PIK3R1: variants seen among roughly 807,000 people sequenced by gnomAD.
The protein encoded by PIK3R1 is phosphatidylinositol 3-kinase regulatory subunit alpha.
PIK3R1 carries 29 observed loss-of-function variants against 98.0 expected under a neutral mutation model. That is an observed-to-expected ratio of 0.30 (90% confidence interval 0.22 to 0.40). PIK3R1 has a LOEUF of 0.40. Among genes scored for constraint, PIK3R1 ranks in the 10% least tolerant of loss-of-function variants. The pLI is 1.00. For missense variants in PIK3R1, 596 were observed against 872.7 expected, an observed-to-expected ratio of 0.68 and a Z score of 3.99; for synonymous variants, 282 against 311.8, an observed-to-expected ratio of 0.90 and a Z score of 1.01.
intron 2 of PIK3R1, among the ~76,000 whole-genome samples, chr5:68,238,975 CAAA>C (rs10532256): frequency 3.0e-4 from 37 of 125,080 alleles, no homozygotes; most frequent in South Asian, 7.9e-4. Flanking sequence ...CAATAAATGC[CAAA>C]AAAAAAAAAA....
chr5:68,269,276 T>C (rs1746250679), intron 2 of PIK3R1, among the ~76,000 whole-genome samples: 2 of 152,240 alleles, frequency 1.3e-5, no homozygotes, highest in Admixed American at 1.3e-4. Flanking sequence ...GCCCAGATTC[T>C]TAAGAGTGGA....
At chr5:68,284,608 C>G (rs1747004568) in intron 7 of PIK3R1, among the ~76,000 whole-genome samples, 1 of 152,192 alleles carries the variant, frequency 6.6e-6, no homozygotes, top group South Asian at 2.1e-4. Context: ...TTAAGTCGAC[C>G]CATTCAGTAT....
intron 2 of PIK3R1, among the ~76,000 whole-genome samples, chr5:68,263,222 T>TA (rs1745977768): frequency 7.2e-6 from 1 of 138,646 alleles, no homozygotes; most frequent in Admixed American, 7.1e-5. Context: ...TATTTCTACA[T>TA]ATATATCTAT....
At chr5:68,254,355 A>C (rs1278434800) in intron 2 of PIK3R1, among the ~76,000 whole-genome samples, 1 of 152,346 alleles carries the variant, frequency 6.6e-6, no homozygotes. Context: ...AGAGTTTCGA[A>C]TCATGGGATT....
intron 2 of PIK3R1, among the ~76,000 whole-genome samples, chr5:68,253,387 C>G (rs758524917): frequency 5.3e-5 from 8 of 152,074 alleles, no homozygotes; most frequent in Non-Finnish European, 1.2e-4. Context: ...AAGGTTCCAG[C>G]CTTTTAAAAC....
At chr5:68,277,992 G>A (rs186475612) in intron 4 of PIK3R1, among the ~76,000 whole-genome samples, 52 of 152,088 alleles carry the variant, frequency 3.4e-4, no homozygotes, top group African/African-American at 1.2e-3. Flanking sequence ...GTTATCCTTC[G>A]CATTGCTAGT....
At chr5:68,246,313 A>ATTT (rs11351105) in intron 2 of PIK3R1, among the ~76,000 whole-genome samples, 16 of 127,304 alleles carry the variant, frequency 1.3e-4, no homozygotes, top group African/African-American at 4.5e-4. Context: ...TGGTGTGTAT[A>ATTT]TTTTTTTTTT....
intron 1 of PIK3R1, among the ~76,000 whole-genome samples, chr5:68,224,008 A>G (rs1311652425): frequency 6.6e-6 from 1 of 152,094 alleles, no homozygotes; most frequent in African/African-American, 2.4e-5. Context: ...AGTGTTAGGA[A>G]GCAGCTGGCA....
rs1241922793 is a variant in PIK3R1, at chr5:68,262,972, T to G, written c.335-10418T>G. ...ATACATGTAGATACATGTATACATATATACATGTAGATACATGTAGATACA... is the reference window on the plus strand; with the variant it reads ...ATACATGTAGATACATGTATACATAGATACATGTAGATACATGTAGATACA... On this transcript the variant is annotated intron_variant, in intron 2 of 15. Coordinates refer to ENST00000521381, the MANE Select transcript of PIK3R1 (RefSeq NM_181523.3). 5.7e-4 allele frequency among the ~76,000 whole-genome samples: 15 copies of G among 26,134 alleles called. 1 individual carries two copies. Among genetic ancestry groups the G allele is most frequent in the Admixed American group, 1.5e-3 (5 of 3,336 alleles). The allele number at this position is 26,134 out of a possible 152,430, so 17.1% of individuals were successfully genotyped here.
intron 2 of PIK3R1, among the ~76,000 whole-genome samples, chr5:68,249,483 G>A (rs1344400991): frequency 2.0e-5 from 3 of 152,158 alleles, no homozygotes; most frequent in African/African-American, 7.2e-5. Flanking sequence ...GCACTAAGTG[G>A]TCCTATCACA....
intron 2 of PIK3R1, among the ~76,000 whole-genome samples, chr5:68,230,845 A>T (rs372305942): frequency 2.0e-5 from 3 of 152,156 alleles, no homozygotes; most frequent in African/African-American, 7.2e-5. Context: ...GTAGAGCCCT[A>T]TGTTATGTTC....
At position 68,258,440 on chromosome 5, in the gene PIK3R1, A is replaced by G. The variant is rs189979442; in HGVS notation, c.335-14950A>G. Among the ~76,000 whole-genome samples the G allele has an allele frequency of 2.8e-4, 43 of 152,326 alleles. No individual in the cohort carries two copies. The East Asian group carries it at 7.9e-3, about 28-fold the overall frequency. ...GGTGCCTGCCTCTTCCTCTAATACT[A>G]TGTACATATTTCGACCTCTGCCCTC... On this transcript the variant is annotated intron_variant, in intron 2 of 15. Transcript: ENST00000521381.
At chr5:68,293,058 C>A in intron 8 of PIK3R1, 43 bp from the exon 9 acceptor site, 2 of 1,461,192 alleles carry the variant, frequency 1.4e-6, no homozygotes, top group South Asian at 1.2e-5. Context: ...AATCTGTGGT[C>A]ACTAAACCTT....
At chr5:68,287,392 G>T (rs1331520611) in intron 7 of PIK3R1, among the ~76,000 whole-genome samples, 1 of 152,078 alleles carries the variant, frequency 6.6e-6, no homozygotes, top group Admixed American at 6.6e-5. Context: ...TCAGAAGATT[G>T]GGTTCTAGTC....
chr5:68,276,826 T>C (rs751062131), intron 4 of PIK3R1, among the ~76,000 whole-genome samples: 1 of 152,246 alleles, frequency 6.6e-6, no homozygotes, highest in Non-Finnish European at 1.5e-5. Flanking sequence ...TTAACTTCAC[T>C]TGTGGATTGA....
chr5:68,259,706 T>C (rs1285917359), intron 2 of PIK3R1, among the ~76,000 whole-genome samples: 1 of 152,220 alleles, frequency 6.6e-6, no homozygotes, highest in Non-Finnish European at 1.5e-5. Context: ...TAGAGAACTC[T>C]TTTTCTAACT....
intron 2 of PIK3R1, among the ~76,000 whole-genome samples, chr5:68,266,733 C>T (rs1746138320): frequency 6.6e-6 from 1 of 152,212 alleles, no homozygotes; most frequent in Admixed American, 6.5e-5. Flanking sequence ...AAACTAAATA[C>T]ATAGGCATTA....
chr5:68,269,338 C>T (rs1746254049), intron 2 of PIK3R1, among the ~76,000 whole-genome samples: 1 of 152,164 alleles, frequency 6.6e-6, no homozygotes, highest in Non-Finnish European at 1.5e-5. Flanking sequence ...ACAACCAAAA[C>T]CCATTACTTA....
At chr5:68,232,605 A>T (rs1255081324) in intron 2 of PIK3R1, among the ~76,000 whole-genome samples, 1 of 152,344 alleles carries the variant, frequency 6.6e-6, no homozygotes, top group African/African-American at 2.4e-5. Flanking sequence ...AGGGTTGCAG[A>T]ATAAGACAGT....
Sources: allele counts gnomAD v4.1 joint callset (sites outside exome capture counted in the v4.1 genomes callset), GRCh38; gene constraint gnomAD v4.1.1; transcripts MANE v1.5; gene names NCBI Gene and HGNC (gene_info 2026-07-23, HGNC 2026-07-21).